SRGAP2C: variants seen among roughly 807,000 people sequenced by gnomAD.
SRGAP2C encodes SLIT-ROBO Rho GTPase-activating protein 2C.
SRGAP2C carries 15 observed loss-of-function variants against 25.1 expected under a neutral mutation model. The ratio of observed to expected loss-of-function variants is 0.60; its 90% CI spans 0.40 to 0.92. SRGAP2C has a LOEUF of 0.92. SRGAP2C is among the 40% of genes least tolerant of loss of function. SRGAP2C has a pLI of 0.00. For synonymous variants in SRGAP2C, 44 were observed against 96.6 expected, an observed-to-expected ratio of 0.46 and a Z score of 3.19; for missense variants, 144 against 264.4, an observed-to-expected ratio of 0.54 and a Z score of 3.16.
At chr1:121,248,426 A>G (rs1553330722) in intron 2 of SRGAP2C, among the ~76,000 whole-genome samples, 1 of 114,808 alleles carries the variant, frequency 8.7e-6, no homozygotes, top group South Asian at 2.7e-4. Flanking sequence ...GAGGCTAGAA[A>G]TCTTTCCAGC....
At chr1:121,204,681 T>G (rs369981533) in intron 2 of SRGAP2C, among the ~76,000 whole-genome samples, 10 of 152,244 alleles carry the variant, frequency 6.6e-5, no homozygotes, top group African/African-American at 1.2e-4. Context: ...GATTATAGGT[T>G]GCAATACCTG....
chr1:121,254,884 AG>A (rs1656421675), intron 2 of SRGAP2C, among the ~76,000 whole-genome samples: 1 of 151,810 alleles, frequency 6.6e-6, no homozygotes, highest in Non-Finnish European at 1.5e-5. Context: ...GCCCTTGAAC[AG>A]GGGAAGAGGA....
At chr1:121,385,079 C>G (rs1553356041) in intron 8 of SRGAP2C, among the ~76,000 whole-genome samples, 1 of 151,438 alleles carries the variant, frequency 6.6e-6, no homozygotes, top group African/African-American at 2.4e-5. Context: ...TGCAGCCAGT[C>G]TATCCCCATC....
intron 2 of SRGAP2C, among the ~76,000 whole-genome samples, chr1:121,225,785 A>T (rs1160835767): frequency 6.8e-6 from 1 of 146,982 alleles, no homozygotes; most frequent in East Asian, 2.0e-4. Flanking sequence ...GCTCACTGCA[A>T]CCTCTGCCTC....
chr1:121,322,992 T>C (rs1658242751), intron 3 of SRGAP2C, among the ~76,000 whole-genome samples: 1 of 151,744 alleles, frequency 6.6e-6, no homozygotes, highest in Non-Finnish European at 1.5e-5. Flanking sequence ...TTTGCAGTTA[T>C]AGGCTTGGTT....
chr1:121,383,199 CAT>C (rs1558139178), intron 8 of SRGAP2C, among the ~76,000 whole-genome samples: 2 of 149,026 alleles, frequency 1.3e-5, no homozygotes, highest in African/African-American at 5.0e-5. Flanking sequence ...TCAAACTATG[CAT>C]AGAGAGGGGT....
chr1:121,259,143 T>C (rs1456499048), intron 2 of SRGAP2C, among the ~76,000 whole-genome samples: 1 of 135,812 alleles, frequency 7.4e-6, no homozygotes, highest in Non-Finnish European at 1.6e-5. Context: ...ATGCTGTCCG[T>C]GAACATTTGC....
chr1:121,281,310 T>G (rs1657237325), intron 2 of SRGAP2C, among the ~76,000 whole-genome samples: 1 of 151,746 alleles, frequency 6.6e-6, no homozygotes, highest in African/African-American at 2.4e-5. Context: ...ATCTTCTTCT[T>G]TCTGCTTCCT....
chr1:121,324,054 C>G (rs1658268122), intron 3 of SRGAP2C, among the ~76,000 whole-genome samples: 1 of 152,188 alleles, frequency 6.6e-6, no homozygotes, highest in Non-Finnish European at 1.5e-5. Flanking sequence ...TGCCCTCTTA[C>G]TTGTTGTGTT....
chr1:121,305,901 G>A (rs1274929191), intron 3 of SRGAP2C, among the ~76,000 whole-genome samples: 2 of 150,880 alleles, frequency 1.3e-5, no homozygotes, highest in African/African-American at 2.4e-5. Context: ...CTTAGCAAAG[G>A]CTGGTTTTTA....
chr1:121,316,386 CA>C (rs1658099699), intron 3 of SRGAP2C, among the ~76,000 whole-genome samples: 1 of 72,128 alleles, frequency 1.4e-5, no homozygotes, highest in South Asian at 3.6e-4. Flanking sequence ...AATGAACTAC[CA>C]GGGGTGAGCC....
intron 2 of SRGAP2C, among the ~76,000 whole-genome samples, chr1:121,282,723 T>A (rs1227273482): frequency 4.3e-5 from 1 of 23,206 alleles, no homozygotes; most frequent in Non-Finnish European, 1.0e-4. Flanking sequence ...CCTGGCTAAT[T>A]TTTTTTTTGT....
intron 4 of SRGAP2C, among the ~76,000 whole-genome samples, chr1:121,359,752 G>T (rs1553348207): frequency 3.9e-5 from 6 of 152,200 alleles, no homozygotes; most frequent in Non-Finnish European, 8.8e-5. Flanking sequence ...TCTAGCCTGG[G>T]CAATAGAGCA....
At chr1:121,385,817 T>C (rs1659947313) in intron 8 of SRGAP2C, among the ~76,000 whole-genome samples, 1 of 150,684 alleles carries the variant, frequency 6.6e-6, no homozygotes, top group Non-Finnish European at 1.5e-5. Context: ...TGGGAGACAG[T>C]GGAACAGCCA....
chr1:121,355,552 G>T (rs1225634262), intron 4 of SRGAP2C, among the ~76,000 whole-genome samples: 2 of 131,206 alleles, frequency 1.5e-5, no homozygotes, highest in Admixed American at 1.6e-4. Context: ...CTCGTGATCC[G>T]CCCGCCTCGG....
intron 2 of SRGAP2C, among the ~76,000 whole-genome samples, chr1:121,208,933 T>C (rs1366479032): frequency 2.0e-5 from 3 of 146,396 alleles, no homozygotes; most frequent in African/African-American, 7.5e-5. Flanking sequence ...TTACGCATAG[T>C]TGAGTTGCAG....
At chr1:121,235,031 T>C (rs1419963291) in intron 2 of SRGAP2C, among the ~76,000 whole-genome samples, 1 of 149,104 alleles carries the variant, frequency 6.7e-6, no homozygotes. Context: ...TCTTTCTTTT[T>C]TTTTTTTTGA....
chr1:121,313,603 T>A (rs1658013726), intron 3 of SRGAP2C, among the ~76,000 whole-genome samples: 1 of 134,282 alleles, frequency 7.4e-6, no homozygotes, highest in Non-Finnish European at 1.6e-5. Flanking sequence ...CTTCAGGAGC[T>A]CTTTTAGGGC....
At chr1:121,332,305 C>G (rs1290026274) in intron 4 of SRGAP2C, among the ~76,000 whole-genome samples, 1 of 95,148 alleles carries the variant, frequency 1.1e-5, no homozygotes, top group Admixed American at 1.2e-4. Flanking sequence ...TCCTGTCTAT[C>G]TGTATGTGAG....
Sources: gnomAD v4.1 joint callset for allele counts (sites outside exome capture counted in the v4.1 genomes callset) on GRCh38, gnomAD v4.1.1 for gene constraint, MANE v1.5 for transcripts, NCBI Gene and HGNC (gene_info 2026-07-23, HGNC 2026-07-21) for gene names.